Variants in CTIF observed in about 807,000 individuals in gnomAD.
The protein encoded by CTIF is cap binding complex dependent translation initiation factor, also known as CBP80/20-dependent translation initiation factor.
In CTIF, 21 loss-of-function variants were observed where a neutral mutation model predicts 66.0. The ratio of observed to expected loss-of-function variants is 0.32; its 90% CI spans 0.23 to 0.46. The LOEUF is 0.46. Ranked by LOEUF, CTIF falls within the 20% of genes least tolerant of loss-of-function variation. CTIF has a pLI of 1.00. For synonymous variants in CTIF, 345 were observed against 326.4 expected (o/e 1.06, Z -0.62); for missense variants, 739 against 812.7 (o/e 0.91, Z 1.10).
intron 2 of CTIF, among the ~76,000 whole-genome samples, chr18:48,633,777 T>C (rs533766238): frequency 4.6e-5 from 7 of 152,314 alleles, no homozygotes; most frequent in African/African-American, 9.6e-5. Flanking sequence ...GCATGTATTT[T>C]ACGTATGTAT....
intron 2 of CTIF, among the ~76,000 whole-genome samples, chr18:48,632,344 C>CCCT (rs970595310): frequency 7.9e-5 from 12 of 152,204 alleles, no homozygotes; most frequent in African/African-American, 2.4e-4. Context: ...GGGCCACAGT[C>CCCT]CCTCCTCCTG....
At chr18:48,752,045 C>G (rs950767921) in intron 7 of CTIF, among the ~76,000 whole-genome samples, 1 of 152,218 alleles carries the variant, frequency 6.6e-6, no homozygotes, top group Non-Finnish European at 1.5e-5. Context: ...GACCTTTCAT[C>G]TATTCCAGAG....
In CTIF at chr18:48,816,178, G is replaced by A. The variant is rs555441434; in HGVS notation, c.1372-1043G>A. ...CCTGGGACCATCAGGCTAGCCCAGAGAGAGTCTTCTTAGGATGACAGAAGA... is the reference window on the plus strand; with the variant it reads ...CCTGGGACCATCAGGCTAGCCCAGAAAGAGTCTTCTTAGGATGACAGAAGA... On this transcript the variant is annotated intron_variant, in intron 9 of 11. Transcript: ENST00000256413. 3.9e-5 allele frequency among the ~76,000 whole-genome samples: 6 copies of A among 152,268 alleles called. No homozygotes were observed. In the South Asian group the frequency reaches 1.2e-3, roughly 32 times the overall value.
At chr18:48,726,002 C>T (rs1242825019) in intron 7 of CTIF, among the ~76,000 whole-genome samples, 2 of 152,102 alleles carry the variant, frequency 1.3e-5, no homozygotes, top group Admixed American at 1.3e-4. Flanking sequence ...AGATATGTAG[C>T]CTCAAGACAT....
At chr18:48,587,455 A>G (rs754302674) in intron 1 of CTIF, among the ~76,000 whole-genome samples, 73 of 151,912 alleles carry the variant, frequency 4.8e-4, no homozygotes, top group Non-Finnish European at 9.7e-4. Flanking sequence ...CCTCCCAGCT[A>G]CCACTGTGGG....
Position 48,636,660 on chromosome 18 carries a change from C to T in CTIF, c.227C>T (p.Ser76Phe). 2 of 1,601,642 alleles carry T rather than the reference C, an allele frequency of 1.2e-6. No homozygotes were observed. The highest frequency in any genetic ancestry group is 1.1e-5 in the South Asian group (1 of 88,856). ...SEPLDSSCSF[S>F]RGRAPPQQNG... ...CCGCTGGACAGCAGCTGTTCCTTCT[C>T]CCGAGGGCGAGCCCCCCCACAGCAG... is the stretch of plus-strand genomic sequence containing the variant. Residue 76 changes from serine to phenylalanine, a missense_variant, in exon 3 of 12, where the codon TCC becomes TTC. Physicochemically the swap from Ser to Phe is radical, Grantham distance 155. Coordinates refer to ENST00000256413, the MANE Select transcript of CTIF (RefSeq NM_014772.3).
At chr18:48,542,369 C>T (rs12969788) in intron 1 of CTIF, among the ~76,000 whole-genome samples, 1,681 of 152,306 alleles carry the variant, frequency 0.011, 15 homozygotes, top group South Asian at 0.024. Context: ...CTTATACATG[C>T]CTGCATGGAT....
At chr18:48,714,832 C>T (rs2092264170) in intron 7 of CTIF, among the ~76,000 whole-genome samples, 1 of 152,184 alleles carries the variant, frequency 6.6e-6, no homozygotes, top group Non-Finnish European at 1.5e-5. Context: ...AAAGCCCTGT[C>T]CCTTCTTCTA....
intron 3 of CTIF, among the ~76,000 whole-genome samples, chr18:48,649,505 A>G (rs1598803032): frequency 6.6e-6 from 1 of 152,112 alleles, no homozygotes; most frequent in East Asian, 1.9e-4. Context: ...GCCTCTGTAG[A>G]CTCCACCTCT....
chr18:48,541,855 A>G (rs561417761), intron 1 of CTIF, among the ~76,000 whole-genome samples: 1 of 146,894 alleles, frequency 6.8e-6, no homozygotes, highest in Non-Finnish European at 1.5e-5. Context: ...CCCCCGCCAG[A>G]TATCATAGCA....
At chr18:48,612,947 G>T (rs1009708937) in intron 1 of CTIF, among the ~76,000 whole-genome samples, 2 of 152,142 alleles carry the variant, frequency 1.3e-5, no homozygotes, top group Admixed American at 1.3e-4. Context: ...GAGTGAGTTG[G>T]GTGCTGGGGG....
At chr18:48,671,123 T>C (rs2091526680) in intron 6 of CTIF, among the ~76,000 whole-genome samples, 1 of 152,202 alleles carries the variant, frequency 6.6e-6, no homozygotes, top group Non-Finnish European at 1.5e-5. Context: ...GAGATTCTAA[T>C]GTGGCTGGGG....
At chr18:48,681,933 G>C (rs538015107) in intron 6 of CTIF, among the ~76,000 whole-genome samples, 1 of 152,022 alleles carries the variant, frequency 6.6e-6, no homozygotes, top group African/African-American at 2.4e-5. Flanking sequence ...TTACAGGCGC[G>C]TGCCACCACA....
chr18:48,697,407 A>C (rs74863930), intron 6 of CTIF, among the ~76,000 whole-genome samples: 2,978 of 152,316 alleles, frequency 0.02, 34 homozygotes, highest in Middle Eastern at 0.048. Context: ...ATTCCTTCTC[A>C]TGGGAACTGG....
intron 10 of CTIF, among the ~76,000 whole-genome samples, chr18:48,853,809 A>G (rs770257880): frequency 7.9e-5 from 12 of 152,218 alleles, no homozygotes; most frequent in Non-Finnish European, 1.3e-4. Context: ...GATGGATGCA[A>G]CGTGACAGGA....
chr18:48,578,150 CTCT>C (rs563049130), intron 1 of CTIF, among the ~76,000 whole-genome samples: 3 of 151,972 alleles, frequency 2.0e-5, no homozygotes, highest in Admixed American at 2.0e-4. Flanking sequence ...CATATCTCAG[CTCT>C]TCATTTTTTT....
chr18:48,822,433 A>G (rs78251958), intron 10 of CTIF, among the ~76,000 whole-genome samples: 7,775 of 151,938 alleles, frequency 0.051, 582 homozygotes, highest in East Asian at 0.33. Context: ...ATCAAACATT[A>G]GAGCTGATTC....
intron 9 of CTIF, among the ~76,000 whole-genome samples, chr18:48,808,392 T>A (rs2068193841): frequency 6.6e-6 from 1 of 152,232 alleles, no homozygotes. Flanking sequence ...ATTGCGTGTA[T>A]TTTCCTGAGC....
intron 9 of CTIF, among the ~76,000 whole-genome samples, chr18:48,766,700 C>G (rs1046500377): frequency 1.3e-5 from 2 of 152,202 alleles, no homozygotes; most frequent in African/African-American, 2.4e-5. Flanking sequence ...CAAGAAATAC[C>G]TGCCAGGTGT....
Sources: gnomAD v4.1 joint callset for allele counts (sites outside exome capture counted in the v4.1 genomes callset) on GRCh38, gnomAD v4.1.1 for gene constraint, MANE v1.5 for transcripts, NCBI Gene and HGNC (gene_info 2026-07-23, HGNC 2026-07-21) for gene names.